The following D2HGDH variants were observed in gnomAD, a reference collection of about 807,000 sequenced individuals.
D2HGDH encodes D-2-hydroxyglutarate dehydrogenase, mitochondrial.
In D2HGDH, 31 loss-of-function variants were observed where a neutral mutation model predicts 46.9. The observed-to-expected ratio is 0.66, with a 90% CI of 0.50 to 0.89. D2HGDH has a LOEUF of 0.89. D2HGDH is among the 40% of genes least tolerant of loss of function. D2HGDH has a pLI of 0.00. For missense variants in D2HGDH, 698 were observed against 720.8 expected (o/e 0.97, Z 0.36); for synonymous variants, 364 against 332.6 (o/e 1.09, Z -1.03).
intron 9 of D2HGDH, among the ~76,000 whole-genome samples, chr2:241,760,578 A>G (rs1366087708): frequency 2.0e-5 from 3 of 150,988 alleles, no homozygotes; most frequent in Non-Finnish European, 4.4e-5. Flanking sequence ...GCCTTGCCCA[A>G]TCAGTCGAAG....
chr2:241,743,581 C>A lies in D2HGDH; in HGVS notation c.491-41C>A, dbSNP rs1695098098. 3 of 1,598,568 alleles carry A rather than the reference C, an allele frequency of 1.9e-6. No individual in the cohort carries two copies. The highest frequency in any genetic ancestry group is 1.3e-5 in the African/African-American group (1 of 74,726). ...TGGGACTCACCAGCCCGGGGGCCCACTGGAAGCCAAGTGCTGCGGCAGCCT... is the reference window on the plus strand; with the variant it reads ...TGGGACTCACCAGCCCGGGGGCCCAATGGAAGCCAAGTGCTGCGGCAGCCT... On this transcript the variant is annotated intron_variant, in intron 4 of 9. Coordinates refer to ENST00000321264, the MANE Select transcript of D2HGDH (RefSeq NM_152783.5). This position sits in a 1 kb window ranked among gnomAD's most constrained non-coding sequence, Gnocchi z 4.8.
chr2:241,748,689 TCCCCGCCCTCCA>T, intron 6 of D2HGDH: 1 of 474,186 alleles, frequency 2.1e-6, no homozygotes, highest in African/African-American at 2.1e-5. Context: ...CACCGCCTCC[TCCCCGCCCTCCA>T]CCTTCAGCCC....
At chr2:241,761,754 AT>A (rs1445667107) in intron 9 of D2HGDH, among the ~76,000 whole-genome samples, 1 of 152,048 alleles carries the variant, frequency 6.6e-6, no homozygotes, top group East Asian at 1.9e-4. Flanking sequence ...CACCATCCTG[AT>A]TCTGCGTAGC....
In D2HGDH at chr2:241,755,961, T is replaced by G. The variant is rs746011563; in HGVS notation, c.1253T>G (p.Leu418Arg). 1 of 1,607,558 alleles carries G rather than the reference T, an allele frequency of 6.2e-7. No individual in the cohort carries two copies. The highest frequency in any genetic ancestry group is 1.7e-5 in the Admixed American group (1 of 59,900). Reference sequence around the variant, plus strand: ...CGGCTCTACGACATCGTGACTGACCTGCGCGCCCGCCTCGGCCCGCACGCC... The same window carrying G: ...CGGCTCTACGACATCGTGACTGACCGGCGCGCCCGCCTCGGCCCGCACGCC... The part of the protein sequence containing the change: ...VERLYDIVTD[L>R]RARLGPHAKH... Residue 418 changes from leucine (L) to arginine (R), a missense_variant, in exon 9 of 10, where the codon CTG (leucine) becomes CGG (arginine). Coordinates refer to ENST00000321264, the MANE Select transcript of D2HGDH (RefSeq NM_152783.5).
chr2:241,756,068 G>C, intron 9 of D2HGDH, 54 bp downstream of exon 9: 1 of 1,547,430 alleles, frequency 6.5e-7, no homozygotes. Flanking sequence ...TGGGCCCCAC[G>C]GTCACCGTCA....
chr2:241,738,269 G>T (rs530353703), intron 2 of D2HGDH, among the ~76,000 whole-genome samples: 7 of 152,336 alleles, frequency 4.6e-5, no homozygotes, highest in African/African-American at 1.7e-4. Flanking sequence ...CCGGAGGCAG[G>T]TGAGGATGGA....
chr2:241,761,089 G>A (rs1271666435), intron 9 of D2HGDH, among the ~76,000 whole-genome samples: 1 of 152,152 alleles, frequency 6.6e-6, no homozygotes, highest in Non-Finnish European at 1.5e-5. Context: ...CCAGTTTATG[G>A]TGGCCCCTGT....
intron 9 of D2HGDH, among the ~76,000 whole-genome samples, chr2:241,757,140 C>A (rs1402987871): frequency 6.6e-6 from 1 of 152,212 alleles, no homozygotes; most frequent in Non-Finnish European, 1.5e-5. Flanking sequence ...TGTGGAGAAA[C>A]TTCTCTGCAC....
At chr2:241,735,070 T>C in intron 1 of D2HGDH, 63 bp from the exon 2 acceptor site, 2 of 854,644 alleles carry the variant, frequency 2.3e-6, no homozygotes, top group Non-Finnish European at 1.7e-6. Context: ...TCCCTGCTTC[T>C]GCAAGCGTGT....
chr2:241,748,419 C>A (rs1164438772), intron 6 of D2HGDH, among the ~76,000 whole-genome samples: 2 of 152,226 alleles, frequency 1.3e-5, no homozygotes, highest in Non-Finnish European at 2.9e-5. Flanking sequence ...CTGTGCCCGG[C>A]CTCTTCAGCG....
rs192110304 is a variant in D2HGDH, at chr2:241,749,894, C to T, written c.854-257C>T. ...GATGCTGGTGGTGACACCAGGCGTGCACCTTCTCCTGATCTGATGCTGGTG... is the reference window on the plus strand; with the variant it reads ...GATGCTGGTGGTGACACCAGGCGTGTACCTTCTCCTGATCTGATGCTGGTG... On this transcript the variant is annotated intron_variant, in intron 6 of 9. Coordinates refer to ENST00000321264, the MANE Select transcript of D2HGDH (RefSeq NM_152783.5). 2.0e-3 allele frequency: 1,098 copies of T among 550,310 alleles called. 2 individuals carry two copies. Among genetic ancestry groups the T allele is most frequent in the Non-Finnish European group, 3.3e-3 (983 of 298,978 alleles). The allele number at this position is 550,310 out of a possible 1,614,324, so 34.1% of individuals were successfully genotyped here.
Position 241,768,093 on chromosome 2 carries a change from A to G in D2HGDH, c.*124A>G. 2.9e-6 allele frequency: 4 copies of G among 1,375,460 alleles called. No homozygotes were observed. Among genetic ancestry groups the G allele is most frequent in the Non-Finnish European group, 3.9e-6 (4 of 1,036,268 alleles). The allele number at this position is 1,375,460 out of a possible 1,614,324, so 85.2% of individuals were successfully genotyped here. A position where few individuals can be genotyped will look rare whatever the true frequency, so the allele number is the denominator to read the frequency against. ...GGGGACCAGGCACCTGGTTGAAGGG[A>G]CTGGGAGCCCGCACTGGGGAACTGC... On this transcript the variant is annotated 3_prime_UTR_variant, in exon 10 of 10. Transcript: ENST00000321264.
chr2:241,738,731 T>C (rs760724552), intron 2 of D2HGDH, among the ~76,000 whole-genome samples: 1 of 152,120 alleles, frequency 6.6e-6, no homozygotes, highest in Non-Finnish European at 1.5e-5. Flanking sequence ...CGCCCCTCGG[T>C]GTCTGTGTGT....
chr2:241,739,823 G>A (rs1323235885), intron 2 of D2HGDH, among the ~76,000 whole-genome samples: 1 of 152,244 alleles, frequency 6.6e-6, no homozygotes, highest in Non-Finnish European at 1.5e-5. Flanking sequence ...GTCAGTGAGA[G>A]CGAAGGGAAA....
intron 2 of D2HGDH, among the ~76,000 whole-genome samples, chr2:241,736,663 G>A (rs1232059653): frequency 7.0e-6 from 1 of 142,096 alleles, no homozygotes; most frequent in Non-Finnish European, 1.5e-5. Context: ...TGCAAAGACC[G>A]TTTATCCGTT....
At chr2:241,749,094 C>T in intron 6 of D2HGDH, 1 of 999,918 alleles carries the variant, frequency 1.0e-6, no homozygotes, top group Non-Finnish European at 1.2e-6. Context: ...TGCTCTCCTG[C>T]AGCTGGGGCG....
intron 8 of D2HGDH, among the ~76,000 whole-genome samples, chr2:241,753,696 C>T (rs570791113): frequency 6.6e-6 from 1 of 152,250 alleles, no homozygotes; most frequent in Non-Finnish European, 1.5e-5. Context: ...CCAGATGCCC[C>T]GGGCTCCTCT....
In D2HGDH at chr2:241,743,853, G is replaced by A. The variant is rs1377781043; in HGVS notation, c.684+38G>A. On this transcript the variant is annotated intron_variant, in intron 5 of 9. Coordinates refer to ENST00000321264, the MANE Select transcript of D2HGDH (RefSeq NM_152783.5). This position sits in a 1 kb window ranked among gnomAD's most constrained non-coding sequence, Gnocchi z 4.8. Reference sequence around the variant, plus strand: ...AGCTGCTTGGTGCAGAGGTCGCCACGGGGTGTCCTCTCACGGCTCTCATGG... The same window carrying A: ...AGCTGCTTGGTGCAGAGGTCGCCACAGGGTGTCCTCTCACGGCTCTCATGG... 11 of 1,557,302 alleles carry A rather than the reference G, an allele frequency of 7.1e-6. No individual in the cohort carries two copies. In the East Asian group the frequency reaches 7.2e-5, roughly 10 times the overall value.
At position 241,756,041 on chromosome 2, in the gene D2HGDH, C is replaced by G. The variant is rs749375897; in HGVS notation, c.1306+27C>G. ...TGAGCGGCGCCCCGGGGCCGCGGCC[C>G]TGTGTGTGCTGGGTGGTGGGCCCCA... On this transcript the variant is annotated intron_variant, in intron 9 of 9. Transcript: ENST00000321264. The G allele has an allele frequency of 3.8e-6, 6 of 1,583,984 alleles. No homozygotes were observed. In the South Asian group the frequency reaches 4.5e-5, roughly 12 times the overall value.
Sources: gnomAD v4.1 joint callset for allele counts (sites outside exome capture counted in the v4.1 genomes callset) on GRCh38, gnomAD v4.1.1 for gene constraint, Gnocchi (gnomAD v3.1) non-coding constraint, MANE v1.5 for transcripts, NCBI Gene and HGNC (gene_info 2026-07-23, HGNC 2026-07-21) for gene names.